Variants in ATOSA observed in about 807,000 individuals in gnomAD.
ATOSA encodes atos homolog protein A.
At chr15:52,618,657 T>G in the ATOSA span, among the ~76,000 whole-genome samples, 1 of 152,188 alleles carries the variant, frequency 6.6e-6, no homozygotes, top group Non-Finnish European at 1.5e-5. Flanking sequence ...TGATAAAAAC[T>G]GAACTGTTAA....
At chr15:52,591,441 A>G in the ATOSA span, among the ~76,000 whole-genome samples, 1 of 152,148 alleles carries the variant, frequency 6.6e-6, no homozygotes, top group Non-Finnish European at 1.5e-5. Flanking sequence ...CATGTTGGCT[A>G]GGCTGGTCTT....
At chr15:52,676,536 C>G in the ATOSA span, among the ~76,000 whole-genome samples, 1 of 151,972 alleles carries the variant, frequency 6.6e-6, no homozygotes, top group African/African-American at 2.4e-5. Flanking sequence ...AGCCATGGGT[C>G]TAAAGGTTTA....
chr15:52,653,188 T>C, the ATOSA span, among the ~76,000 whole-genome samples: 1 of 152,174 alleles, frequency 6.6e-6, no homozygotes, highest in Non-Finnish European at 1.5e-5. Flanking sequence ...TTTGTTTATC[T>C]TGAGTGTCTT....
the ATOSA span, chr15:52,593,532 AGTTG>A: frequency 6.7e-7 from 1 of 1,497,438 alleles, no homozygotes; most frequent in Non-Finnish European, 9.0e-7. Flanking sequence ...TTTGTCATTA[AGTTG>A]GTTGATTTGG....
chr15:52,647,450 T>G, the ATOSA span, among the ~76,000 whole-genome samples: 1 of 152,222 alleles, frequency 6.6e-6, no homozygotes, highest in African/African-American at 2.4e-5. Flanking sequence ...ACAAAACCAT[T>G]AGATTTTTAG....
the ATOSA span, among the ~76,000 whole-genome samples, chr15:52,667,249 A>G: frequency 6.6e-6 from 1 of 152,212 alleles, no homozygotes; most frequent in Non-Finnish European, 1.5e-5. Context: ...ATCTACTAAA[A>G]TATTAATTAG....
At chr15:52,587,255 A>C in the ATOSA span, 1 of 1,554,530 alleles carries the variant, frequency 6.4e-7, no homozygotes, top group Non-Finnish European at 8.8e-7. Flanking sequence ...GTACAAACTG[A>C]TGCATATGTA....
At chr15:52,635,098 T>C in the ATOSA span, among the ~76,000 whole-genome samples, 3 of 152,140 alleles carry the variant, frequency 2.0e-5, no homozygotes, top group African/African-American at 7.2e-5. Context: ...CAAGGGCGTA[T>C]AACAGCCCTA....
At chr15:52,622,811 G>C in the ATOSA span, among the ~76,000 whole-genome samples, 1 of 151,996 alleles carries the variant, frequency 6.6e-6, no homozygotes. Flanking sequence ...GCAGTGGGGA[G>C]AGAGGGAAAG....
chr15:52,609,756 T>C, the ATOSA span: 1 of 1,613,616 alleles, frequency 6.2e-7, no homozygotes, highest in Non-Finnish European at 8.5e-7. Context: ...GTGAAGTGCT[T>C]GGATCACAAT....
the ATOSA span, among the ~76,000 whole-genome samples, chr15:52,603,361 C>T: frequency 6.6e-6 from 1 of 152,038 alleles, no homozygotes; most frequent in Non-Finnish European, 1.5e-5. Context: ...AAAGGGAAAC[C>T]CTCATACACT....
chr15:52,584,987 T>A, the ATOSA span: 2 of 1,479,342 alleles, frequency 1.4e-6, no homozygotes, highest in Non-Finnish European at 1.8e-6. Flanking sequence ...AATAGTGATT[T>A]GTTGATGTGA....
At chr15:52,647,495 G>A in the ATOSA span, among the ~76,000 whole-genome samples, 23 of 152,266 alleles carry the variant, frequency 1.5e-4, no homozygotes, top group East Asian at 3.9e-3. Context: ...AATTACACTC[G>A]TATCTGTGAT....
the ATOSA span, among the ~76,000 whole-genome samples, chr15:52,690,144 A>G: frequency 7.2e-5 from 11 of 152,356 alleles, no homozygotes; most frequent in African/African-American, 2.6e-4. Context: ...TCACTTTCAA[A>G]TCATGAGTGA....
the ATOSA span, chr15:52,610,139 A>AATT: frequency 8.1e-6 from 13 of 1,614,030 alleles, no homozygotes; most frequent in Non-Finnish European, 1.1e-5. Flanking sequence ...TTTGTACCAC[A>AATT]TTGTTCTGCT....
chr15:52,617,466 T>G, the ATOSA span, among the ~76,000 whole-genome samples: 3 of 152,176 alleles, frequency 2.0e-5, no homozygotes, highest in South Asian at 6.2e-4. Flanking sequence ...TATGGCAGCC[T>G]GAGCACACTA....
chr15:52,672,095 G>A, the ATOSA span, among the ~76,000 whole-genome samples: 1 of 145,072 alleles, frequency 6.9e-6, no homozygotes. Flanking sequence ...CCAGCACTTT[G>A]AGAGGCTGAG....
At chr15:52,605,963 T>C in the ATOSA span, among the ~76,000 whole-genome samples, 1 of 152,006 alleles carries the variant, frequency 6.6e-6, no homozygotes, top group Non-Finnish European at 1.5e-5. Flanking sequence ...ATGATAATAA[T>C]AAAATACAAT....
chr15:52,701,315 T>C, the ATOSA span, among the ~76,000 whole-genome samples: 1 of 152,100 alleles, frequency 6.6e-6, no homozygotes, highest in African/African-American at 2.4e-5. Context: ...GGTCTGAGCC[T>C]GTAATCCCAG....
Sources: allele counts gnomAD v4.1 joint callset (sites outside exome capture counted in the v4.1 genomes callset), GRCh38; gene constraint gnomAD v4.1.1; transcripts MANE v1.5; gene names NCBI Gene and HGNC (gene_info 2026-07-23, HGNC 2026-07-21).